The following MTREX variants were observed in gnomAD, a reference collection of about 807,000 sequenced individuals.
MTREX encodes the protein exosome RNA helicase MTR4.
A neutral mutation model predicts 135.4 loss-of-function variants in MTREX; 76 were observed. That is an observed-to-expected ratio of 0.56 (90% CI 0.47 to 0.68). The LOEUF (loss-of-function observed/expected upper bound fraction) is 0.68, where lower values mean the gene tolerates loss of function less well. Ranked by LOEUF, MTREX falls within the 30% of genes least tolerant of loss-of-function variation. The pLI, the probability that MTREX is intolerant of heterozygous loss-of-function variation, is 0.00. For synonymous variants in MTREX, 404 were observed against 401.6 expected, an observed-to-expected ratio of 1.01 and a Z score of -0.07; for missense variants, 920 against 1,262.1, an observed-to-expected ratio of 0.73 and a Z score of 4.11.
chr5:55,339,890 T>G, intron 5 of MTREX, 120 bp from the exon 6 acceptor site: 3 of 565,322 alleles, frequency 5.3e-6, no homozygotes, highest in Middle Eastern at 9.8e-4. Flanking sequence ...TTACTGTTCT[T>G]CAGAGTCCAT....
At chr5:55,376,068 A>G (rs1421464979) in intron 16 of MTREX, among the ~76,000 whole-genome samples, 1 of 152,248 alleles carries the variant, frequency 6.6e-6, no homozygotes, top group African/African-American at 2.4e-5. Flanking sequence ...AGCCCCCAGT[A>G]GACTTAATCC....
At chr5:55,407,089 A>G (rs1340835710) in intron 22 of MTREX, among the ~76,000 whole-genome samples, 1 of 152,234 alleles carries the variant, frequency 6.6e-6, no homozygotes, top group African/African-American at 2.4e-5. Flanking sequence ...ACAGTTTTTT[A>G]TGTACTCAGC....
At chr5:55,391,160 G>C (rs1561206251) in intron 19 of MTREX, among the ~76,000 whole-genome samples, 1 of 152,102 alleles carries the variant, frequency 6.6e-6, no homozygotes, top group South Asian at 2.1e-4. Context: ...AATAAACAAG[G>C]CTGGGTATAG....
At chr5:55,308,533 G>C (rs929153060) in intron 1 of MTREX, among the ~76,000 whole-genome samples, 1 of 151,926 alleles carries the variant, frequency 6.6e-6, no homozygotes, top group African/African-American at 2.4e-5. Context: ...GGAGGGGAAA[G>C]GGCAGATAAT....
intron 5 of MTREX, chr5:55,329,466 G>T (rs1026408015): frequency 2.6e-5 from 4 of 151,836 alleles, no homozygotes; most frequent in Non-Finnish European, 5.9e-5. Flanking sequence ...GAGCTACCAT[G>T]CCTGGCCATG....
intron 5 of MTREX, among the ~76,000 whole-genome samples, chr5:55,331,784 T>C (rs1490641208): frequency 6.6e-6 from 1 of 152,212 alleles, no homozygotes; most frequent in Admixed American, 6.6e-5. Context: ...ATCTTAGAAC[T>C]GCAGTTTGGA....
chr5:55,361,605 C>T (rs1169886047), intron 15 of MTREX, among the ~76,000 whole-genome samples: 1 of 152,166 alleles, frequency 6.6e-6, no homozygotes, highest in Non-Finnish European at 1.5e-5. Context: ...TAGGCACCTG[C>T]CGCCACACCC....
intron 3 of MTREX, among the ~76,000 whole-genome samples, chr5:55,326,003 C>G (rs1240620363): frequency 1.3e-5 from 2 of 152,076 alleles, no homozygotes; most frequent in African/African-American, 4.8e-5. Flanking sequence ...TCTTATGTTT[C>G]TTTAGAGGTA....
At chr5:55,369,986 C>A (rs115504535) in intron 16 of MTREX, among the ~76,000 whole-genome samples, 1 of 151,482 alleles carries the variant, frequency 6.6e-6, no homozygotes, top group African/African-American at 2.4e-5. Flanking sequence ...AACAATGGCA[C>A]GATCTCGGCT....
chr5:55,389,424 G>C (rs1042683416), intron 19 of MTREX, among the ~76,000 whole-genome samples: 12 of 152,092 alleles, frequency 7.9e-5, no homozygotes, highest in African/African-American at 2.9e-4. Context: ...CAAACTGAGG[G>C]CCTTTCCTCT....
chr5:55,414,320 A>G, intron 24 of MTREX, 82 bp downstream of exon 24: 3 of 1,085,534 alleles, frequency 2.8e-6, no homozygotes, highest in East Asian at 5.5e-5. Flanking sequence ...TAATCTAATC[A>G]TAGTAGTTTA....
intron 13 of MTREX, among the ~76,000 whole-genome samples, chr5:55,352,190 G>T (rs1749841171): frequency 6.6e-6 from 1 of 151,802 alleles, no homozygotes; most frequent in African/African-American, 2.4e-5. Context: ...CATACATTAT[G>T]TTTAAAAATT....
chr5:55,406,996 A>G (rs920585686), intron 22 of MTREX, among the ~76,000 whole-genome samples: 1 of 152,216 alleles, frequency 6.6e-6, no homozygotes, highest in Non-Finnish European at 1.5e-5. Context: ...AGCTCAAGCA[A>G]TATCCAGTCT....
intron 21 of MTREX, among the ~76,000 whole-genome samples, chr5:55,401,827 T>G (rs191192904): frequency 5.9e-4 from 90 of 152,304 alleles, no homozygotes; most frequent in African/African-American, 2.1e-3. Context: ...CACTACCTAC[T>G]TTTTTTCAAC....
intron 14 of MTREX, among the ~76,000 whole-genome samples, chr5:55,358,065 G>A (rs991114274): frequency 8.5e-5 from 13 of 152,298 alleles, no homozygotes; most frequent in Middle Eastern, 3.4e-3. Context: ...CGCTGGGCGT[G>A]GTGGCTCATG....
intron 1 of MTREX, among the ~76,000 whole-genome samples, chr5:55,321,856 C>A (rs1230200536): frequency 6.6e-6 from 1 of 152,084 alleles, no homozygotes; most frequent in African/African-American, 2.4e-5. Flanking sequence ...TGATCATCCA[C>A]CTCGGCCTCC....
chr5:55,321,419 CCT>C (rs1293233267), intron 1 of MTREX, among the ~76,000 whole-genome samples: 5 of 151,890 alleles, frequency 3.3e-5, no homozygotes, highest in Non-Finnish European at 7.4e-5. Flanking sequence ...GATTTATAAT[CCT>C]CACCCCTAAT....
At chr5:55,394,411 T>TA (rs949956176) in intron 19 of MTREX, among the ~76,000 whole-genome samples, 2 of 152,228 alleles carry the variant, frequency 1.3e-5, no homozygotes, top group African/African-American at 4.8e-5. Context: ...CCAGTCTTTT[T>TA]GGCACAAGAA....
rs147921216 is a variant in MTREX at position 55,424,294 on chromosome 5, C to T, written c.3077-426C>T. ...CCTGAGTAGCTGAACTACAGGCATG[C>T]GCCACCACGCCCGGCTGATTTTGTA... On this transcript the variant is annotated intron_variant, in intron 26 of 26. Transcript: ENST00000230640. The T allele has an allele frequency of 5.9e-3, 906 of 153,506 alleles. 23 individuals are homozygous for T. Among genetic ancestry groups the T allele is most frequent in the Admixed American group, 0.046 (713 of 15,540 alleles). The allele number at this position is 153,506 out of a possible 1,614,324, so 9.5% of individuals were successfully genotyped here. A position where few individuals can be genotyped will look rare whatever the true frequency, so the allele number is the denominator to read the frequency against.
Sources: gnomAD v4.1 joint callset for allele counts (sites outside exome capture counted in the v4.1 genomes callset) on GRCh38, gnomAD v4.1.1 for gene constraint, MANE v1.5 for transcripts, NCBI Gene and HGNC (gene_info 2026-07-23, HGNC 2026-07-21) for gene names.